The following ZFP1 variants were observed in gnomAD, a reference collection of about 807,000 sequenced individuals.
ZFP1 encodes ZFP1 zinc finger protein, also known as zinc finger protein 1 homolog.
Under a neutral mutation model 38.5 loss-of-function variants are expected in ZFP1, and 32 were observed. That is an observed-to-expected ratio of 0.83 (90% CI 0.63 to 1.12). The LOEUF (loss-of-function observed/expected upper bound fraction) is 1.12. ZFP1 is among the 50% of genes most tolerant of loss of function. The probability of loss-of-function intolerance (pLI) is 0.00; values close to 1 mark genes in which losing one functional copy is unlikely to be tolerated. For synonymous variants in ZFP1, 245 were observed against 168.8 expected (o/e 1.45, Z -3.50); for missense variants, 616 against 480.8 (o/e 1.28, Z -2.63).
chr16:75,166,848 C>T lies in ZFP1; in HGVS notation c.94C>T (p.Leu32=), dbSNP rs746026233. The stretch of plus-strand genomic sequence containing the variant: ...ACAACTGGACCCCTCTCAGAGGATC[C>T]TATACATGGATGTGATGCTGGAGAA... ...WEQLDPSQRI[L]YMDVMLENYS... is the part of the protein sequence containing the mutation. The change falls in exon 3 of 4, where the codon CTA becomes TTA. Residue 32 remains leucine (L), a synonymous_variant. Transcript: ENST00000570010. The T allele has an allele frequency of 1.2e-6, 2 of 1,614,136 alleles. No individual in the cohort carries two copies. The highest frequency in any genetic ancestry group is 1.7e-5 in the Admixed American group (1 of 60,016).
chr16:75,132,376 CAA>C, the ZFP1 span: 11 of 138,482 alleles, frequency 7.9e-5, no homozygotes, highest in Non-Finnish European at 1.1e-4. Context: ...GACCCTGTCT[CAA>C]AAAAAAAAAA....
At chr16:75,156,684 C>T (rs1023954036) in intron 2 of ZFP1, among the ~76,000 whole-genome samples, 5 of 151,944 alleles carry the variant, frequency 3.3e-5, no homozygotes, top group South Asian at 2.1e-4. Flanking sequence ...ATTTTTGGTA[C>T]GAATATAATT....
At chr16:75,138,996 A>G in the ZFP1 span, among the ~76,000 whole-genome samples, 1 of 152,140 alleles carries the variant, frequency 6.6e-6, no homozygotes, top group Non-Finnish European at 1.5e-5. Context: ...CCACAACTCC[A>G]TTCTAATCAT....
chr16:75,163,278 C>T (rs950786011), intron 2 of ZFP1, among the ~76,000 whole-genome samples: 9 of 151,552 alleles, frequency 5.9e-5, no homozygotes, highest in African/African-American at 2.2e-4. Context: ...AGGATCTGCC[C>T]TCCCCAGCGT....
Position 75,169,813 on chromosome 16 carries a change from A to G in ZFP1, c.703A>G (p.Thr235Ala). 3 of 1,614,168 alleles carry G rather than the reference A, an allele frequency of 1.9e-6. No individual in the cohort carries two copies. Among genetic ancestry groups the G allele is most frequent in the Middle Eastern group, 1.6e-4 (1 of 6,062 alleles). ...ANLIKHQRIH[T>A]GEKPFECPEC... ...CCTCATCAAACATCAGAGAATTCAC[A>G]CTGGGGAGAAACCTTTCGAGTGTCC... Residue 235 changes from threonine to alanine, a missense_variant, in exon 4 of 4, where the codon ACT becomes GCT. By Grantham distance (58) the Thr-to-Ala change is moderately conservative (BLOSUM62 0). Transcript: ENST00000570010.
At chr16:75,135,209 C>CAAAAAAAAAAAAAAA in the ZFP1 span, among the ~76,000 whole-genome samples, 133 of 14,958 alleles carry the variant, frequency 8.9e-3, 45 homozygotes, top group African/African-American at 0.012. Context: ...GACCTTATCT[C>CAAAAAAAAAAAAAAA]AAAAAAAAAA....
At chr16:75,149,719 C>T (rs1448269650) in intron 1 of ZFP1, among the ~76,000 whole-genome samples, 26 of 151,916 alleles carry the variant, frequency 1.7e-4, no homozygotes, top group African/African-American at 6.3e-4. Flanking sequence ...CCACCGCGTC[C>T]GGCCAGACAC....
chr16:75,147,948 C>A (rs1251661469), upstream of ZFP1, among the ~76,000 whole-genome samples: 1 of 152,096 alleles, frequency 6.6e-6, no homozygotes, highest in Non-Finnish European at 1.5e-5. Flanking sequence ...AGGTGATGCA[C>A]ATGTTAATTA....
At chr16:75,151,564 T>A (rs1280179191) in intron 1 of ZFP1, among the ~76,000 whole-genome samples, 1 of 152,188 alleles carries the variant, frequency 6.6e-6, no homozygotes, top group Non-Finnish European at 1.5e-5. Context: ...TTTAAAGATA[T>A]CATACTGTTT....
At chr16:75,169,200 C>T in intron 3 of ZFP1, 53 bp from the exon 4 acceptor site, 1 of 1,542,674 alleles carries the variant, frequency 6.5e-7, no homozygotes, top group Non-Finnish European at 8.7e-7. Context: ...CATTCGGTAA[C>T]ATTATAGCGG....
In ZFP1 at chr16:75,166,850, A is replaced by G. The variant is rs756413734; in HGVS notation, c.96A>G (p.Leu32=). 9.9e-6 allele frequency: 16 copies of G among 1,614,188 alleles called. No homozygotes were observed. The highest frequency in any genetic ancestry group is 2.2e-5 in the South Asian group (2 of 91,080). ...AACTGGACCCCTCTCAGAGGATCCTATACATGGATGTGATGCTGGAGAATT... is the reference window on the plus strand; with the variant it reads ...AACTGGACCCCTCTCAGAGGATCCTGTACATGGATGTGATGCTGGAGAATT... The part of the protein sequence containing the change: ...WEQLDPSQRI[L]YMDVMLENYS... Residue 32 remains leucine, a synonymous_variant, in exon 3 of 4, where the codon CTA becomes CTG. Coordinates refer to ENST00000570010, the MANE Select transcript of ZFP1 (RefSeq NM_153688.4).
At chr16:75,123,792 T>TA in the ZFP1 span, among the ~76,000 whole-genome samples, 1 of 149,272 alleles carries the variant, frequency 6.7e-6, no homozygotes, top group East Asian at 2.2e-4. Flanking sequence ...CATTCTTTCT[T>TA]AAAAAAAGTT....
intron 2 of ZFP1, 70 bp from the exon 3 acceptor site, chr16:75,166,700 A>C (rs575701335): frequency 3.2e-6 from 5 of 1,553,062 alleles, no homozygotes; most frequent in Non-Finnish European, 3.5e-6. Flanking sequence ...TGAATGACAT[A>C]AAGTTTTCAT....
At chr16:75,136,361 G>A in the ZFP1 span, among the ~76,000 whole-genome samples, 5 of 152,140 alleles carry the variant, frequency 3.3e-5, no homozygotes, top group Non-Finnish European at 2.9e-5. Context: ...AGGGATACTC[G>A]TCGACAGTCC....
the ZFP1 span, among the ~76,000 whole-genome samples, chr16:75,124,829 A>G: frequency 1.3e-5 from 2 of 150,420 alleles, no homozygotes; most frequent in African/African-American, 4.9e-5. Flanking sequence ...CAGGGAATAA[A>G]AGAGATGTAA....
the ZFP1 span, among the ~76,000 whole-genome samples, chr16:75,136,217 A>G: frequency 3.9e-5 from 6 of 152,234 alleles, no homozygotes; most frequent in Non-Finnish European, 7.3e-5. Context: ...AATGTATAAA[A>G]CAGCCCCACT....
At chr16:75,124,578 T>C in the ZFP1 span, among the ~76,000 whole-genome samples, 1 of 149,240 alleles carries the variant, frequency 6.7e-6, no homozygotes, top group East Asian at 2.0e-4. Flanking sequence ...GGTCAGGAGA[T>C]CGAGACCATC....
In ZFP1 at chr16:75,165,482, C is replaced by G. The variant is rs563973105; in HGVS notation, c.16-1288C>G. Among the ~76,000 whole-genome samples, 131 of 152,112 alleles carry G rather than the reference C, an allele frequency of 8.6e-4. 3 individuals are homozygous for G. The South Asian group carries it at 0.026, about 31-fold the overall frequency. On this transcript the variant is annotated intron_variant, in intron 2 of 3. Transcript: ENST00000570010. Reference sequence around the variant, plus strand: ...CAGTCTGGGCTCACTGCAGCCTCCACCTCCCAGGTTCAAGCAATTCTCCTG... The same window carrying G: ...CAGTCTGGGCTCACTGCAGCCTCCAGCTCCCAGGTTCAAGCAATTCTCCTG...
intron 1 of ZFP1, among the ~76,000 whole-genome samples, chr16:75,152,493 C>G (rs2037255132): frequency 6.6e-6 from 1 of 152,178 alleles, no homozygotes; most frequent in African/African-American, 2.4e-5. Context: ...AACTCTGTTA[C>G]TGTACTTTTC....
Sources: allele counts gnomAD v4.1 joint callset (sites outside exome capture counted in the v4.1 genomes callset), GRCh38; gene constraint gnomAD v4.1.1; transcripts MANE v1.5; gene names NCBI Gene and HGNC (gene_info 2026-07-23, HGNC 2026-07-21).